RAMP3: variants seen among roughly 807,000 people sequenced by gnomAD.
RAMP3 encodes receptor activity modifying protein 3.
RAMP3 carries 14 observed loss-of-function variants against 13.5 expected under a neutral mutation model. That is an observed-to-expected ratio of 1.04 (90% CI 0.69 to 1.63). The LOEUF is 1.63. Ranked by LOEUF, RAMP3 falls within the 40% of genes most tolerant of loss-of-function variation. RAMP3 has a pLI of 0.00. For synonymous variants in RAMP3, 106 were observed against 88.3 expected (o/e 1.20, Z -1.12); for missense variants, 200 against 204.8 (o/e 0.98, Z 0.14).
intron 2 of RAMP3, among the ~76,000 whole-genome samples, chr7:45,180,844 G>A (rs1786295292): frequency 1.3e-5 from 2 of 152,224 alleles, no homozygotes; most frequent in South Asian, 4.1e-4. Flanking sequence ...GTGCTCTGGG[G>A]AGCCTGACTG....
intron 1 of RAMP3, chr7:45,163,772 G>A: frequency 1.0e-6 from 1 of 985,338 alleles, no homozygotes; most frequent in Non-Finnish European, 1.2e-6. Context: ...TAAACAGGAT[G>A]AGGTCTCTGT....
chr7:45,158,139 G>A (rs57411303), intron 1 of RAMP3, among the ~76,000 whole-genome samples: 2 of 152,336 alleles, frequency 1.3e-5, no homozygotes, highest in East Asian at 1.9e-4. Flanking sequence ...GGCAGGGTCC[G>A]GCAGCCCCCG....
intron 1 of RAMP3, 95 bp downstream of exon 1, chr7:45,157,981 C>A (rs1785792324): frequency 1.7e-6 from 2 of 1,177,106 alleles, no homozygotes; most frequent in Non-Finnish European, 2.2e-6. Context: ...GCGCCGCGGT[C>A]CTTCCCTTGC....
chr7:45,178,220 T>G (rs1786232451), intron 2 of RAMP3, among the ~76,000 whole-genome samples: 1 of 152,094 alleles, frequency 6.6e-6, no homozygotes, highest in South Asian at 2.1e-4. Flanking sequence ...TTATATCAGG[T>G]GTAATTGTGG....
At chr7:45,162,131 C>T (rs938947711) in intron 1 of RAMP3, among the ~76,000 whole-genome samples, 1 of 152,200 alleles carries the variant, frequency 6.6e-6, no homozygotes, top group African/African-American at 2.4e-5. Context: ...GCTGTCTTTT[C>T]ACCTGCAGGC....
intron 1 of RAMP3, among the ~76,000 whole-genome samples, chr7:45,158,287 C>T (rs890313331): frequency 7.2e-5 from 11 of 152,194 alleles, no homozygotes; most frequent in Non-Finnish European, 1.5e-4. Context: ...GCTCTCTGTC[C>T]TGGCATTGAG....
chr7:45,180,837 C>A (rs1358941899), intron 2 of RAMP3, among the ~76,000 whole-genome samples: 3 of 152,228 alleles, frequency 2.0e-5, no homozygotes, highest in Admixed American at 2.0e-4. Context: ...AGGGAGAGTG[C>A]TCTGGGGAGC....
chr7:45,165,012 T>C (rs1037624182), intron 1 of RAMP3, among the ~76,000 whole-genome samples: 1 of 152,200 alleles, frequency 6.6e-6, no homozygotes, highest in African/African-American at 2.4e-5. Flanking sequence ...TCTTTTCCTC[T>C]CTTTTCTCCT....
At position 45,175,010 on chromosome 7, in the gene RAMP3, C is replaced by T. The variant is rs533918959; in HGVS notation, c.59-2299C>T. Among the ~76,000 whole-genome samples the T allele has an allele frequency of 1.1e-3, 175 of 152,334 alleles. 1 individual carries two copies. Among genetic ancestry groups the T allele is most frequent in the Non-Finnish European group, 4.0e-4 (27 of 68,032 alleles). On this transcript the variant is annotated intron_variant, in intron 1 of 2. Transcript: ENST00000242249. ...GACCCTGTGGGACCATGTGGGGGAC[C>T]TGTGCTACATGCAGGGATGGGACAG...
intron 2 of RAMP3, among the ~76,000 whole-genome samples, chr7:45,179,450 C>G (rs1786260110): frequency 6.6e-6 from 1 of 152,110 alleles, no homozygotes; most frequent in Non-Finnish European, 1.5e-5. Flanking sequence ...CAAGCAAACC[C>G]GGGGGCCATG....
intron 1 of RAMP3, among the ~76,000 whole-genome samples, chr7:45,170,941 A>G (rs1384544574): frequency 6.6e-6 from 1 of 151,638 alleles, no homozygotes; most frequent in African/African-American, 2.4e-5. Flanking sequence ...TTTTTTTTTA[A>G]TATAAGTTTT....
chr7:45,166,350 G>A (rs111702605), intron 1 of RAMP3, among the ~76,000 whole-genome samples: 3 of 152,200 alleles, frequency 2.0e-5, no homozygotes, highest in African/African-American at 7.2e-5. Flanking sequence ...TTTGATGATA[G>A]CCATTCTGGT....
At chr7:45,163,190 T>C in intron 1 of RAMP3, 1 of 985,412 alleles carries the variant, frequency 1.0e-6, no homozygotes, top group Non-Finnish European at 1.2e-6. Context: ...TATTGTGCAG[T>C]TGACTCTGCT....
chr7:45,165,177 T>G (rs979358670), intron 1 of RAMP3, among the ~76,000 whole-genome samples: 12 of 152,212 alleles, frequency 7.9e-5, no homozygotes, highest in African/African-American at 2.9e-4. Flanking sequence ...GTATACATCT[T>G]TAATTCATCA....
Position 45,183,998 on chromosome 7 carries a change from G to T in RAMP3, c.*586G>T. Reference sequence around the variant, plus strand: ...AGGGAGGGGCTGGGGGTTCCCAGGAGCCATGCGTGGCCTGCAGAGTCCATT... The same window carrying T: ...AGGGAGGGGCTGGGGGTTCCCAGGATCCATGCGTGGCCTGCAGAGTCCATT... On this transcript the variant is annotated 3_prime_UTR_variant, in exon 3 of 3. Transcript: ENST00000242249. The T allele has an allele frequency of 2.4e-6, 1 of 414,016 alleles. No individual in the cohort carries two copies. Among genetic ancestry groups the T allele is most frequent in the Admixed American group, 3.9e-5 (1 of 25,702 alleles). The allele number at this position is 414,016 out of a possible 1,614,324, so 25.6% of individuals were successfully genotyped here.
At chr7:45,162,279 G>A (rs531005749) in intron 1 of RAMP3, among the ~76,000 whole-genome samples, 1 of 152,228 alleles carries the variant, frequency 6.6e-6, no homozygotes, top group East Asian at 1.9e-4. Context: ...GATCAATGCC[G>A]ACCTGTACTC....
Position 45,177,431 on chromosome 7 carries a change from G to T in RAMP3, c.181G>T (p.Glu61Ter). 2 of 1,614,054 alleles carry T rather than the reference G, an allele frequency of 1.2e-6. No homozygotes were observed. The change falls in exon 2 of 3, where the codon GAG becomes TAG. Residue 61 changes from glutamate (E) to a stop codon, truncating the protein, a stop_gained. Transcript: ENST00000242249. LOFTEE classifies it high-confidence loss of function. ...VDVWKWCNLSEFIVYYESFTN... is the reference protein window; with the variant it reads ...VDVWKWCNLS The stretch of plus-strand genomic sequence containing the variant: ...CGTCTGGAAGTGGTGCAACCTGTCC[G>T]AGTTCATCGTGTGAGTGCCACTGCT...
chr7:45,158,004 G>A, intron 1 of RAMP3, 118 bp downstream of exon 1: 5 of 1,025,842 alleles, frequency 4.9e-6, no homozygotes, highest in Non-Finnish European at 6.4e-6. Flanking sequence ...CGGAGCTCGG[G>A]AGGGGCGCAC....
At chr7:45,163,630 G>A (rs1785905192) in intron 1 of RAMP3, 1 of 985,442 alleles carries the variant, frequency 1.0e-6, no homozygotes. Context: ...AACCTTGACA[G>A]AGATTTTGTA....
Sources: allele counts gnomAD v4.1 joint callset (sites outside exome capture counted in the v4.1 genomes callset), GRCh38; gene constraint gnomAD v4.1.1; transcripts MANE v1.5; gene names NCBI Gene and HGNC (gene_info 2026-07-23, HGNC 2026-07-21).